Variants in HEMK2 observed in about 807,000 individuals in gnomAD.
HEMK2 encodes methyltransferase HEMK2.
the HEMK2 span, among the ~76,000 whole-genome samples, chr21:28,590,580 T>C: frequency 6.6e-6 from 1 of 152,196 alleles, no homozygotes; most frequent in African/African-American, 2.4e-5. Flanking sequence ...TAAAAATACA[T>C]GCAACAAGCT....
At chr21:28,860,690 C>A in the HEMK2 span, among the ~76,000 whole-genome samples, 3 of 151,438 alleles carry the variant, frequency 2.0e-5, no homozygotes, top group Non-Finnish European at 3.0e-5. Flanking sequence ...AAAACAGACA[C>A]AAGAATTGCT....
chr21:28,642,049 G>A, the HEMK2 span, among the ~76,000 whole-genome samples: 1 of 152,168 alleles, frequency 6.6e-6, no homozygotes, highest in Admixed American at 6.5e-5. Context: ...TGAGACTCAA[G>A]CCATCACGTT....
At chr21:28,835,744 C>T in the HEMK2 span, among the ~76,000 whole-genome samples, 3 of 151,962 alleles carry the variant, frequency 2.0e-5, no homozygotes, top group Non-Finnish European at 2.9e-5. Context: ...AAAAATGATA[C>T]AGGAAGTAAA....
chr21:28,746,958 C>T, the HEMK2 span, among the ~76,000 whole-genome samples: 1 of 152,174 alleles, frequency 6.6e-6, no homozygotes, highest in Non-Finnish European at 1.5e-5. Flanking sequence ...AAAGATCACT[C>T]CGGCTGCTCC....
the HEMK2 span, among the ~76,000 whole-genome samples, chr21:28,785,379 A>G: frequency 0.032 from 4,834 of 152,324 alleles, 116 homozygotes; most frequent in Non-Finnish European, 0.05. Context: ...ATACAGCAAT[A>G]TGTATCAAAC....
chr21:28,876,682 T>G, the HEMK2 span, among the ~76,000 whole-genome samples: 1 of 152,228 alleles, frequency 6.6e-6, no homozygotes, highest in Non-Finnish European at 1.5e-5. Flanking sequence ...ATTTTCAAAG[T>G]GTTGCTGGTG....
At chr21:28,869,804 T>C in the HEMK2 span, among the ~76,000 whole-genome samples, 1 of 152,206 alleles carries the variant, frequency 6.6e-6, no homozygotes, top group Non-Finnish European at 1.5e-5. Context: ...GTGTCACTAA[T>C]AAAGAACTTG....
chr21:28,797,984 G>C, the HEMK2 span, among the ~76,000 whole-genome samples: 6 of 152,264 alleles, frequency 3.9e-5, no homozygotes, highest in South Asian at 1.2e-3. Flanking sequence ...CATGCTCCAT[G>C]AGTTTTCAAT....
chr21:28,796,018 T>G, the HEMK2 span, among the ~76,000 whole-genome samples: 1 of 152,336 alleles, frequency 6.6e-6, no homozygotes, highest in South Asian at 2.1e-4. Context: ...GCCCTCTACC[T>G]CCTGTTTTCT....
At chr21:28,776,081 T>C in the HEMK2 span, among the ~76,000 whole-genome samples, 2 of 152,060 alleles carry the variant, frequency 1.3e-5, no homozygotes, top group African/African-American at 2.4e-5. Flanking sequence ...TTAAAGGGAA[T>C]GGGTCCCTTT....
At chr21:28,831,650 A>AAAGAAGGAAG in the HEMK2 span, among the ~76,000 whole-genome samples, 1 of 37,124 alleles carries the variant, frequency 2.7e-5, no homozygotes, top group African/African-American at 1.4e-4. Flanking sequence ...AAAGAAAGAA[A>AAAGAAGGAAG]GAAAGAAAGA....
chr21:28,847,364 T>C, the HEMK2 span, among the ~76,000 whole-genome samples: 9 of 152,230 alleles, frequency 5.9e-5, no homozygotes, highest in Non-Finnish European at 1.2e-4. Context: ...TGCATTTCCC[T>C]AATGATTAGC....
At chr21:28,642,640 C>T in the HEMK2 span, among the ~76,000 whole-genome samples, 9 of 152,240 alleles carry the variant, frequency 5.9e-5, no homozygotes, top group East Asian at 1.9e-4. Context: ...GTGATGAATG[C>T]GGAAGACTTT....
the HEMK2 span, among the ~76,000 whole-genome samples, chr21:28,798,871 C>A: frequency 6.6e-6 from 1 of 152,158 alleles, no homozygotes; most frequent in African/African-American, 2.4e-5. Context: ...AGCCTTAGGG[C>A]AGTTATATCT....
chr21:28,613,217 T>C, the HEMK2 span, among the ~76,000 whole-genome samples: 35 of 152,204 alleles, frequency 2.3e-4, no homozygotes, highest in African/African-American at 7.5e-4. Context: ...TCTGTATGTA[T>C]ATATAGCACA....
At chr21:28,701,738 T>C in the HEMK2 span, among the ~76,000 whole-genome samples, 102 of 152,252 alleles carry the variant, frequency 6.7e-4, no homozygotes, top group Admixed American at 1.3e-3. Context: ...ATCAATATCA[T>C]TAAAATGGCC....
the HEMK2 span, among the ~76,000 whole-genome samples, chr21:28,846,447 T>C: frequency 6.6e-6 from 1 of 152,302 alleles, no homozygotes; most frequent in East Asian, 1.9e-4. Flanking sequence ...CTCTGTAACC[T>C]TGCCAGCATC....
chr21:28,756,039 G>A, the HEMK2 span, among the ~76,000 whole-genome samples: 1 of 152,118 alleles, frequency 6.6e-6, no homozygotes, highest in East Asian at 1.9e-4. Flanking sequence ...TCTGATCATC[G>A]GCACAGTTTT....
the HEMK2 span, among the ~76,000 whole-genome samples, chr21:28,821,898 C>T: frequency 2.0e-5 from 3 of 152,206 alleles, no homozygotes; most frequent in Non-Finnish European, 4.4e-5. Flanking sequence ...TTAGTGGCAA[C>T]ACTTACTAGT....
Sources: allele counts gnomAD v4.1 joint callset (sites outside exome capture counted in the v4.1 genomes callset), GRCh38; gene constraint gnomAD v4.1.1; transcripts MANE v1.5; gene names NCBI Gene and HGNC (gene_info 2026-07-23, HGNC 2026-07-21).